Variants in ANXA8 observed in about 807,000 individuals in gnomAD.
The protein encoded by ANXA8 is annexin A8.
ANXA8 carries 9 observed loss-of-function variants against 26.8 expected under a neutral mutation model. The ratio of observed to expected loss-of-function variants is 0.34; its 90% CI spans 0.20 to 0.59. ANXA8 has a LOEUF of 0.59. Among genes scored for constraint, ANXA8 ranks in the 20% least tolerant of loss-of-function variants. The probability of loss-of-function intolerance (pLI) is 0.84; values close to 1 mark genes in which losing one functional copy is unlikely to be tolerated. For missense variants in ANXA8, 83 were observed against 238.5 expected (o/e 0.35, Z 4.29); for synonymous variants, 39 against 94.8 (o/e 0.41, Z 3.42).
chr10:47,475,440 G>A (rs1303387304), intron 6 of ANXA8, 53 bp downstream of exon 6: 1 of 1,575,382 alleles, frequency 6.3e-7, no homozygotes, highest in Non-Finnish European at 8.7e-7. Flanking sequence ...CCCTGGGGTG[G>A]AGCTGTTGGG....
At chr10:47,957,309 C>T in the ANXA8 span, among the ~76,000 whole-genome samples, 2 of 150,424 alleles carry the variant, frequency 1.3e-5, no homozygotes, top group African/African-American at 5.0e-5. Flanking sequence ...AGGACCCCAG[C>T]TAGCCTCCGG....
chr10:47,525,822 G>A, the ANXA8 span, among the ~76,000 whole-genome samples: 1 of 34,080 alleles, frequency 2.9e-5, no homozygotes, highest in African/African-American at 1.2e-4. Flanking sequence ...TTTTTTTTTT[G>A]AGACGGAGTT....
At chr10:47,547,788 GATAA>G in the ANXA8 span, among the ~76,000 whole-genome samples, 1 of 132,954 alleles carries the variant, frequency 7.5e-6, no homozygotes, top group Admixed American at 8.0e-5. Context: ...ACAAATAAAT[GATAA>G]ATGTTTGAAG....
intron 1 of ANXA8, among the ~76,000 whole-genome samples, chr10:47,481,977 C>T (rs1267522355): frequency 1.4e-5 from 2 of 143,228 alleles, no homozygotes; most frequent in Non-Finnish European, 3.1e-5. Flanking sequence ...CTTGGCCTTC[C>T]CCTGCTACGT....
At chr10:47,470,139 T>C (rs1839283564) in intron 11 of ANXA8, among the ~76,000 whole-genome samples, 1 of 151,874 alleles carries the variant, frequency 6.6e-6, no homozygotes, top group Non-Finnish European at 1.5e-5. Context: ...ATACTTGGAG[T>C]GTTTATACAT....
At chr10:47,554,971 C>T in the ANXA8 span, among the ~76,000 whole-genome samples, 1 of 151,470 alleles carries the variant, frequency 6.6e-6, no homozygotes, top group African/African-American at 2.4e-5. Context: ...CTCAGCTTCC[C>T]CCTCCCTCCA....
At chr10:47,666,815 TCTCATAGGTAACCATCCTCAA>T in the ANXA8 span, among the ~76,000 whole-genome samples, 1 of 151,972 alleles carries the variant, frequency 6.6e-6, no homozygotes, top group Non-Finnish European at 1.5e-5. Flanking sequence ...CATTTCCTCT[TCTCATAGGTAACCATCCTCAA>T]CTCATAGGTA....
chr10:47,977,479 C>G, the ANXA8 span, among the ~76,000 whole-genome samples: 1 of 150,654 alleles, frequency 6.6e-6, no homozygotes, highest in African/African-American at 2.4e-5. Flanking sequence ...CTTGAGGAAG[C>G]CCAGACATTG....
At chr10:47,568,052 T>G in the ANXA8 span, 1 of 702,140 alleles carries the variant, frequency 1.4e-6, no homozygotes, top group Non-Finnish European at 2.6e-6. Flanking sequence ...TTTGCTTTTT[T>G]GACACAGAGT....
chr10:47,988,915 T>G, the ANXA8 span, among the ~76,000 whole-genome samples: 1 of 151,834 alleles, frequency 6.6e-6, no homozygotes, highest in African/African-American at 2.4e-5. Flanking sequence ...GTTGTGCTCA[T>G]CGGTGTCCAC....
the ANXA8 span, among the ~76,000 whole-genome samples, chr10:47,673,421 G>T: frequency 3.0e-4 from 46 of 151,158 alleles, no homozygotes; most frequent in Middle Eastern, 3.4e-3. Context: ...CATGTTTTCA[G>T]CCACCAAGGA....
the ANXA8 span, among the ~76,000 whole-genome samples, chr10:47,593,054 TG>T: frequency 7.0e-6 from 1 of 142,928 alleles, no homozygotes; most frequent in Non-Finnish European, 1.5e-5. Context: ...CTGAAAATCA[TG>T]GGCTGCAGAC....
At chr10:47,551,115 G>A in the ANXA8 span, among the ~76,000 whole-genome samples, 1 of 151,608 alleles carries the variant, frequency 6.6e-6, no homozygotes, top group Non-Finnish European at 1.5e-5. Context: ...CCTTAAATCT[G>A]ACTGCTTTAT....
chr10:47,488,919 C>T (rs1416157615), upstream of ANXA8, among the ~76,000 whole-genome samples: 4 of 138,100 alleles, frequency 2.9e-5, no homozygotes, highest in Non-Finnish European at 3.1e-5. Context: ...AGTAGAGATG[C>T]GGTTTCACCG....
At chr10:47,697,345 C>A in the ANXA8 span, among the ~76,000 whole-genome samples, 3 of 152,002 alleles carry the variant, frequency 2.0e-5, no homozygotes, top group Non-Finnish European at 2.9e-5. Flanking sequence ...AGATGTTGAA[C>A]CTGCACATAA....
intron 9 of ANXA8, among the ~76,000 whole-genome samples, chr10:47,472,763 A>G: frequency 9.3e-6 from 1 of 107,488 alleles, no homozygotes; most frequent in Non-Finnish European, 1.9e-5. Context: ...CTGGGTGGGG[A>G]AGGTTGGCAT....
the ANXA8 span, among the ~76,000 whole-genome samples, chr10:47,613,657 C>T: frequency 2.8e-5 from 2 of 71,372 alleles, no homozygotes; most frequent in Non-Finnish European, 7.0e-5. Context: ...TCCAGTGGTC[C>T]CCAACCTCTT....
At chr10:47,639,405 C>A in the ANXA8 span, among the ~76,000 whole-genome samples, 2 of 151,944 alleles carry the variant, frequency 1.3e-5, no homozygotes, top group Non-Finnish European at 2.9e-5. Flanking sequence ...CTTCGCCTCC[C>A]GGGTTCACGC....
At chr10:47,732,754 G>A in the ANXA8 span, among the ~76,000 whole-genome samples, 3 of 147,564 alleles carry the variant, frequency 2.0e-5, no homozygotes, top group South Asian at 6.6e-4. Flanking sequence ...GGGGGAAAGG[G>A]GGCTGATCAT....
Sources: gnomAD v4.1 joint callset for allele counts (sites outside exome capture counted in the v4.1 genomes callset) on GRCh38, gnomAD v4.1.1 for gene constraint, MANE v1.5 for transcripts, NCBI Gene and HGNC (gene_info 2026-07-23, HGNC 2026-07-21) for gene names.